Variants in VWA3B observed in about 807,000 individuals in gnomAD.
VWA3B encodes von Willebrand factor A domain containing 3B, also known as von Willebrand factor A domain-containing protein 3B.
A neutral mutation model predicts 158.3 loss-of-function variants in VWA3B; 138 were observed. That is an observed-to-expected ratio of 0.87 (90% CI 0.76 to 1.00). The LOEUF (loss-of-function observed/expected upper bound fraction) is 1.00. Ranked by LOEUF, VWA3B falls within the 50% of genes least tolerant of loss-of-function variation. VWA3B has a pLI of 0.00. For missense variants in VWA3B, 1,555 were observed against 1,565.1 expected, an observed-to-expected ratio of 0.99 and a Z score of 0.11; for synonymous variants, 596 against 587.3, an observed-to-expected ratio of 1.01 and a Z score of -0.21.
intron 12 of VWA3B, among the ~76,000 whole-genome samples, chr2:98,201,901 T>C (rs766526890): frequency 6.6e-6 from 1 of 152,238 alleles, no homozygotes; most frequent in Non-Finnish European, 1.5e-5. Context: ...ATTGAATATA[T>C]TCTGCATTAA....
intron 19 of VWA3B, among the ~76,000 whole-genome samples, chr2:98,242,508 C>T (rs1042468222): frequency 1.3e-5 from 2 of 151,864 alleles, no homozygotes; most frequent in African/African-American, 4.9e-5. Context: ...GAAAATTGGT[C>T]TGCACCACTG....
At chr2:98,097,316 A>G (rs1467254263) in intron 2 of VWA3B, among the ~76,000 whole-genome samples, 5 of 152,194 alleles carry the variant, frequency 3.3e-5, no homozygotes, top group Non-Finnish European at 7.3e-5. Flanking sequence ...TTGTATACCC[A>G]TAGCTTAGAT....
chr2:98,224,784 G>A (rs1254008171), intron 14 of VWA3B, among the ~76,000 whole-genome samples: 1 of 150,754 alleles, frequency 6.6e-6, no homozygotes, highest in Non-Finnish European at 1.5e-5. Context: ...ACCAAACTAT[G>A]TGCTGCTTTT....
the VWA3B span, among the ~76,000 whole-genome samples, chr2:98,322,089 G>GAT: frequency 6.6e-6 from 1 of 152,184 alleles, no homozygotes; most frequent in Admixed American, 6.5e-5. Context: ...CTTCTGCCAT[G>GAT]ATTGTGAGGC....
intron 14 of VWA3B, among the ~76,000 whole-genome samples, chr2:98,222,806 A>G (rs1309379641): frequency 6.6e-6 from 1 of 152,232 alleles, no homozygotes; most frequent in Admixed American, 6.5e-5. Flanking sequence ...TGGAGCAAAG[A>G]CCCACAGAAG....
At chr2:98,129,292 AGAGAGAGAG>A (rs1334961944) in intron 6 of VWA3B, among the ~76,000 whole-genome samples, 2 of 143,344 alleles carry the variant, frequency 1.4e-5, no homozygotes, top group Non-Finnish European at 3.1e-5. Context: ...GAGAGAGAGG[AGAGAGAGAG>A]GAGAGAGACA....
Position 98,311,947 on chromosome 2 carries a change from A to G in VWA3B, c.3650A>G (p.Gln1217Arg). The G allele has an allele frequency of 6.2e-7, 1 of 1,607,630 alleles. No individual in the cohort carries two copies. The highest frequency in any genetic ancestry group is 8.5e-7 in the Non-Finnish European group (1 of 1,177,018). Residue 1217 changes from glutamine to arginine, a missense_variant, in exon 27 of 28, where the codon CAG (glutamine) becomes CGG (arginine). Coordinates refer to ENST00000477737, the MANE Select transcript of VWA3B (RefSeq NM_144992.5). ...AAGAGGCCCGCCAAGCAGCCACTCCAGCAGGCGGCGCCCTCGGACTCGGAC... is the reference window on the plus strand; with the variant it reads ...AAGAGGCCCGCCAAGCAGCCACTCCGGCAGGCGGCGCCCTCGGACTCGGAC... Reference protein sequence around the residue: ...RKKRPAKQPLQQAAPSDSDGS... With the variant: ...RKKRPAKQPLRQAAPSDSDGS...
Position 98,229,913 on chromosome 2 carries a change from T to C in VWA3B, c.2151-137T>C, listed in dbSNP as rs1312233990. ...CAGGGATAAATGACTATTTTTATAT[T>C]AACCCAGATGGGGGAAGGCTTACTT... On this transcript the variant is annotated intron_variant, in intron 15 of 27. Transcript: ENST00000477737. 2.1e-5 allele frequency: 20 copies of C among 958,590 alleles called. No homozygotes were observed. The South Asian group carries it at 4.1e-4, about 19-fold the overall frequency. 59.4% of individuals were successfully genotyped at this position (958,590 alleles called of 1,614,324 possible).
At position 98,236,617 on chromosome 2, in the gene VWA3B, T is replaced by C; in HGVS notation, c.2560T>C (p.Leu854=). The change falls in exon 19 of 28, where the codon TTG becomes CTG. Residue 854 remains leucine, a synonymous_variant. Transcript: ENST00000477737. ...AGAAAACTGGCTGAAGACCTATGGC[T>C]TGGTCGCCAAGAAACTCACCCTCAT... The part of the protein sequence containing the change: ...SSENWLKTYG[L]VAKKLTLMDA... 1 of 1,614,242 alleles carries C rather than the reference T, an allele frequency of 6.2e-7. No individual in the cohort carries two copies. The highest frequency in any genetic ancestry group is 2.2e-5 in the East Asian group (1 of 44,886).
downstream of VWA3B, among the ~76,000 whole-genome samples, chr2:98,317,331 A>ACC (rs11409838): frequency 4.2e-4 from 64 of 150,864 alleles, no homozygotes; most frequent in East Asian, 1.6e-3. Context: ...AAAATTCTAA[A>ACC]CCCCCCCCAG....
At chr2:98,210,735 T>G (rs1194888464) in intron 12 of VWA3B, among the ~76,000 whole-genome samples, 3 of 152,190 alleles carry the variant, frequency 2.0e-5, no homozygotes, top group Non-Finnish European at 4.4e-5. Flanking sequence ...CTCTGCTCCC[T>G]TCTTATCCTG....
chr2:98,302,867 C>T (rs1574315417), intron 25 of VWA3B, among the ~76,000 whole-genome samples: 1 of 152,128 alleles, frequency 6.6e-6, no homozygotes, highest in African/African-American at 2.4e-5. Context: ...GGGTTAAGCG[C>T]AAAGGAGAAA....
At chr2:98,175,339 C>T (rs944862162) in intron 8 of VWA3B, among the ~76,000 whole-genome samples, 2 of 151,920 alleles carry the variant, frequency 1.3e-5, no homozygotes, top group Non-Finnish European at 2.9e-5. Context: ...ACTGTCTTAC[C>T]AATTAGAGAT....
intron 13 of VWA3B, chr2:98,216,642 A>G: frequency 2.2e-6 from 1 of 459,948 alleles, no homozygotes; most frequent in South Asian, 1.6e-5. Context: ...TTAGACTCAG[A>G]GCAGAGGGAA....
At chr2:98,140,440 C>T (rs1676686379) in intron 7 of VWA3B, among the ~76,000 whole-genome samples, 1 of 152,214 alleles carries the variant, frequency 6.6e-6, no homozygotes, top group Admixed American at 6.5e-5. Context: ...CTCTCCTCCT[C>T]GTAGCTGTCC....
At chr2:98,099,546 C>A (rs1682943298) in intron 2 of VWA3B, among the ~76,000 whole-genome samples, 1 of 152,050 alleles carries the variant, frequency 6.6e-6, no homozygotes, top group Non-Finnish European at 1.5e-5. Context: ...ATTATAAAAT[C>A]TTTTGGGGTA....
intron 19 of VWA3B, among the ~76,000 whole-genome samples, chr2:98,241,679 C>T (rs553796685): frequency 5.7e-4 from 87 of 152,090 alleles, no homozygotes; most frequent in African/African-American, 2.0e-3. Flanking sequence ...TAGTCGTCTG[C>T]CTCTAGAACA....
the VWA3B span, among the ~76,000 whole-genome samples, chr2:98,319,937 T>C: frequency 6.0e-5 from 9 of 149,826 alleles, no homozygotes; most frequent in East Asian, 1.8e-3. Flanking sequence ...AAAACTACAT[T>C]TAGAGAACTG....
At chr2:98,327,579 G>T in the VWA3B span, among the ~76,000 whole-genome samples, 3 of 152,250 alleles carry the variant, frequency 2.0e-5, no homozygotes, top group East Asian at 1.9e-4. Flanking sequence ...TTCTGAATAG[G>T]TGGAGAAAAA....
Sources: allele counts gnomAD v4.1 joint callset (sites outside exome capture counted in the v4.1 genomes callset), GRCh38; gene constraint gnomAD v4.1.1; transcripts MANE v1.5; gene names NCBI Gene and HGNC (gene_info 2026-07-23, HGNC 2026-07-21).